Variants in ALCAM observed in about 807,000 individuals in gnomAD.
The protein encoded by ALCAM is activated leukocyte cell adhesion molecule, also known as CD166 antigen.
ALCAM carries 30 observed loss-of-function variants against 70.9 expected under a neutral mutation model. That is an observed-to-expected ratio of 0.42 (90% CI 0.32 to 0.57). The LOEUF (loss-of-function observed/expected upper bound fraction) is 0.57. Among genes scored for constraint, ALCAM ranks in the 20% least tolerant of loss-of-function variants. ALCAM has a pLI of 0.11. For synonymous variants in ALCAM, 249 were observed against 242.5 expected, an observed-to-expected ratio of 1.03 and a Z score of -0.25; for missense variants, 591 against 695.1, an observed-to-expected ratio of 0.85 and a Z score of 1.68.
Position 105,431,643 on chromosome 3 carries a change from GA to G in ALCAM, c.73+64165del, listed in dbSNP as rs533997528. Among the ~76,000 whole-genome samples the G allele has an allele frequency of 8.8e-4, 134 of 152,186 alleles. 1 individual carries two copies. The highest frequency in any genetic ancestry group is 3.4e-3 in the Middle Eastern group (1 of 294). Reference sequence around the variant, plus strand: ...CACATGGCAAATATAGTGTCTACAGGAAAGGGTAAAGAATAGAGACCATTAA... The same window carrying G: ...CACATGGCAAATATAGTGTCTACAGGAAGGGTAAAGAATAGAGACCATTAA... On this transcript the variant is annotated intron_variant, in intron 1 of 15. Transcript: ENST00000306107.
intron 1 of ALCAM, among the ~76,000 whole-genome samples, chr3:105,403,518 C>G (rs541949254): frequency 1.4e-3 from 213 of 152,200 alleles, no homozygotes; most frequent in African/African-American, 4.4e-3. Flanking sequence ...GGAAGCCCCA[C>G]TCCTAGGAGA....
chr3:105,454,319 A>G (rs1937502990), intron 1 of ALCAM, among the ~76,000 whole-genome samples: 1 of 152,226 alleles, frequency 6.6e-6, no homozygotes, highest in African/African-American at 2.4e-5. Flanking sequence ...CCAAGAGTAA[A>G]CAAACTATTT....
intron 1 of ALCAM, among the ~76,000 whole-genome samples, chr3:105,477,630 T>G (rs1196615493): frequency 2.6e-5 from 4 of 152,112 alleles, no homozygotes; most frequent in Admixed American, 1.3e-4. Context: ...TGTAAATTTG[T>G]GTCTTTCACC....
chr3:105,427,222 T>A (rs953857809), intron 1 of ALCAM, among the ~76,000 whole-genome samples: 6 of 151,890 alleles, frequency 4.0e-5, no homozygotes, highest in African/African-American at 1.5e-4. Flanking sequence ...GAGAACAGAA[T>A]GAGAGGCAAG....
chr3:105,554,038 A>G (rs1381539537), intron 14 of ALCAM, among the ~76,000 whole-genome samples: 3 of 151,904 alleles, frequency 2.0e-5, no homozygotes, highest in African/African-American at 4.8e-5. Context: ...TAAGCAGCCC[A>G]CACCAATACT....
chr3:105,381,945 T>A (rs1935533318), intron 1 of ALCAM, among the ~76,000 whole-genome samples: 1 of 151,644 alleles, frequency 6.6e-6, no homozygotes, highest in Non-Finnish European at 1.5e-5. Flanking sequence ...TCTTTTTTAT[T>A]ATTATTATTA....
chr3:105,387,356 G>T (rs1935686598), intron 1 of ALCAM, among the ~76,000 whole-genome samples: 1 of 150,992 alleles, frequency 6.6e-6, no homozygotes, highest in South Asian at 2.1e-4. Flanking sequence ...TTTGCCTTCT[G>T]GAAATATTGC....
At chr3:105,383,569 G>A (rs1398215200) in intron 1 of ALCAM, among the ~76,000 whole-genome samples, 1 of 151,638 alleles carries the variant, frequency 6.6e-6, no homozygotes, top group Non-Finnish European at 1.5e-5. Flanking sequence ...TTTAAAAATT[G>A]AGGGAATGAC....
At chr3:105,563,961 A>ACAGGC (rs1940688770) in intron 14 of ALCAM, among the ~76,000 whole-genome samples, 1 of 151,944 alleles carries the variant, frequency 6.6e-6, no homozygotes, top group Admixed American at 6.6e-5. Context: ...TGCTGGGACT[A>ACAGGC]CAGGCGTGAG....
At chr3:105,389,379 T>TG (rs1935744945) in intron 1 of ALCAM, among the ~76,000 whole-genome samples, 3 of 128,840 alleles carry the variant, frequency 2.3e-5, no homozygotes, top group Admixed American at 1.5e-4. Context: ...TAGTTTTTTT[T>TG]TTTTTTTTTT....
chr3:105,383,993 T>A (rs1486856028), intron 1 of ALCAM, among the ~76,000 whole-genome samples: 3 of 151,634 alleles, frequency 2.0e-5, no homozygotes, highest in Non-Finnish European at 4.4e-5. Context: ...AGCAGATTGA[T>A]CAGTCACGCA....
chr3:105,370,202 A>G (rs888415941), intron 1 of ALCAM, among the ~76,000 whole-genome samples: 9 of 152,206 alleles, frequency 5.9e-5, no homozygotes, highest in Non-Finnish European at 1.2e-4. Flanking sequence ...AGGACTTGGG[A>G]AAGCATCAAC....
At position 105,541,687 on chromosome 3, in the gene ALCAM, C is replaced by T. The variant is rs748880766; in HGVS notation, c.913C>T (p.Arg305Cys). 6.2e-7 allele frequency: 1 copy of T among 1,612,132 alleles called. No homozygotes were observed. Among genetic ancestry groups the T allele is most frequent in the Non-Finnish European group, 8.5e-7 (1 of 1,178,786 alleles). ...TACTTACACACTGACGGATGTGAGG[C>T]GCAATGCAACAGGAGACTACAAGTG... ...SNTYTLTDVR[R>C]NATGDYKCSL... The change falls in exon 8 of 16, where the codon CGC becomes TGC. Residue 305 changes from arginine (R) to cysteine (C), a missense_variant. This residue lies in a region of ALCAM where 427 missense variants were observed against 450.4 expected (regional missense o/e 0.95). Transcript: ENST00000306107.
intron 15 of ALCAM, among the ~76,000 whole-genome samples, chr3:105,572,928 G>A (rs925668482): frequency 1.3e-5 from 2 of 152,166 alleles, no homozygotes; most frequent in African/African-American, 4.8e-5. Context: ...TAAGTGCAAA[G>A]AAGCTTTATT....
chr3:105,469,889 A>G (rs572331066), intron 1 of ALCAM, among the ~76,000 whole-genome samples: 1 of 150,756 alleles, frequency 6.6e-6, no homozygotes, highest in African/African-American at 2.4e-5. Flanking sequence ...TCATCATCTC[A>G]TATTGGAACT....
At chr3:105,528,210 G>A (rs2306725) in intron 3 of ALCAM, among the ~76,000 whole-genome samples, 40,661 of 152,008 alleles carry the variant, frequency 0.27, 6,168 homozygotes, top group East Asian at 0.51. Context: ...CAGTTGTGCC[G>A]TCTTCACTAC....
At chr3:105,527,820 T>C (rs1413858516) in intron 3 of ALCAM, among the ~76,000 whole-genome samples, 1 of 152,058 alleles carries the variant, frequency 6.6e-6, no homozygotes, top group African/African-American at 2.4e-5. Flanking sequence ...TTCCTCCCAC[T>C]TGGATACTGT....
rs1281646358 is a variant in ALCAM, at chr3:105,386,719, A to G, written c.73+19238A>G. ...AGTGAATTGAAGGTTTTTTCATTTA[A>G]AATTAAATTTGTGTGGAAAGTATAT... On this transcript the variant is annotated intron_variant, in intron 1 of 15. Transcript: ENST00000306107. 6.6e-5 allele frequency among the ~76,000 whole-genome samples: 10 copies of G among 151,384 alleles called. No individual in the cohort carries two copies. In the East Asian group the frequency reaches 1.9e-3, roughly 29 times the overall value.
chr3:105,541,274 G>A (rs1310663617), intron 7 of ALCAM, among the ~76,000 whole-genome samples: 2 of 147,592 alleles, frequency 1.4e-5, no homozygotes, highest in African/African-American at 2.5e-5. Context: ...TGGATATATA[G>A]TGTATTTCCT....
Sources: allele counts gnomAD v4.1 joint callset (sites outside exome capture counted in the v4.1 genomes callset), GRCh38; gene constraint gnomAD v4.1.1; regional missense constraint gnomAD v4.1.1; transcripts MANE v1.5; gene names NCBI Gene and HGNC (gene_info 2026-07-23, HGNC 2026-07-21).